ACSL6: variants seen among roughly 807,000 people sequenced by gnomAD.
ACSL6 encodes the protein long-chain-fatty-acid--CoA ligase 6.
In ACSL6, 47 loss-of-function variants were observed where a neutral mutation model predicts 98.2. That is an observed-to-expected ratio of 0.48 (90% CI 0.38 to 0.61). ACSL6 has a LOEUF of 0.61. ACSL6 is among the 20% of genes least tolerant of loss of function. The probability of loss-of-function intolerance (pLI) is 0.00; values close to 1 mark genes in which losing one functional copy is unlikely to be tolerated. For missense variants in ACSL6, 761 were observed against 913.4 expected, an observed-to-expected ratio of 0.83 and a Z score of 2.15; for synonymous variants, 362 against 336.9, an observed-to-expected ratio of 1.07 and a Z score of -0.82.
At chr5:131,963,900 A>C (rs1173774705) in intron 17 of ACSL6, among the ~76,000 whole-genome samples, 2 of 152,138 alleles carry the variant, frequency 1.3e-5, no homozygotes, top group Admixed American at 6.5e-5. Flanking sequence ...CCTCTGTTTC[A>C]CAGATGAGGA....
At chr5:131,967,180 T>TA (rs911375922) in intron 16 of ACSL6, among the ~76,000 whole-genome samples, 3 of 148,610 alleles carry the variant, frequency 2.0e-5, no homozygotes, top group Admixed American at 1.3e-4. Context: ...ACCCAATCTC[T>TA]AAAAAAAAAA....
At chr5:131,959,989 C>T (rs1349994544) in intron 19 of ACSL6, among the ~76,000 whole-genome samples, 3 of 152,176 alleles carry the variant, frequency 2.0e-5, no homozygotes, top group African/African-American at 7.2e-5. Context: ...CACTGAGTCA[C>T]AGCATGGCGA....
chr5:131,972,936 A>C, intron 12 of ACSL6, 78 bp from the exon 13 acceptor site: 1 of 1,596,244 alleles, frequency 6.3e-7, no homozygotes, highest in Non-Finnish European at 8.6e-7. Flanking sequence ...AATAAGGCCC[A>C]GACTGGCCAG....
intron 17 of ACSL6, among the ~76,000 whole-genome samples, chr5:131,964,316 A>G (rs1752894556): frequency 6.6e-6 from 1 of 152,274 alleles, no homozygotes; most frequent in Non-Finnish European, 1.5e-5. Context: ...AAGTTGAATT[A>G]TGTCAAGAAT....
intron 18 of ACSL6, 195 bp from the exon 19 acceptor site, chr5:131,960,816 A>T: frequency 2.1e-6 from 1 of 483,222 alleles, no homozygotes; most frequent in Non-Finnish European, 3.6e-6. Flanking sequence ...CCCTAGTTTT[A>T]TATGAAAAAA....
In ACSL6 at chr5:131,954,176, A is replaced by T; in HGVS notation, c.*58T>A. On this transcript the variant is annotated 3_prime_UTR_variant, in exon 21 of 21. Coordinates refer to ENST00000651883, the MANE Select transcript of ACSL6 (RefSeq NM_001009185.3). ...GTGTCATTTTGACTCATTACTTTCAAGAATAACTATAATATTGCTAGACAG... is the reference window on the plus strand; with the variant it reads ...GTGTCATTTTGACTCATTACTTTCATGAATAACTATAATATTGCTAGACAG... 1 of 1,478,454 alleles carries T rather than the reference A, an allele frequency of 6.8e-7. No individual in the cohort carries two copies. The highest frequency in any genetic ancestry group is 9.0e-7 in the Non-Finnish European group (1 of 1,116,060). The allele number at this position is 1,478,454 out of a possible 1,614,324, so 91.6% of individuals were successfully genotyped here.
At position 131,990,877 on chromosome 5, in the gene ACSL6, A is replaced by C; in HGVS notation, c.361T>G (p.Phe121Val). 1 of 1,613,748 alleles carries C rather than the reference A, an allele frequency of 6.2e-7. No homozygotes were observed. Among genetic ancestry groups the C allele is most frequent in the Non-Finnish European group, 8.5e-7 (1 of 1,179,938 alleles). ...CCTGAGATGCTAAGCCCACGGCGGA[A>C]CACCTGGTACATGGTCCGGGCATCA... ...YDDARTMYQV[F>V]RRGLSISGNG... The change falls in exon 3 of 21, where the codon TTC (phenylalanine) becomes GTC (valine). Residue 121 changes from phenylalanine to valine, a missense_variant. Phe to Val is a conservative substitution (Grantham distance 50). Transcript: ENST00000651883.
intron 15 of ACSL6, among the ~76,000 whole-genome samples, chr5:131,969,479 A>G (rs1429799015): frequency 2.6e-5 from 4 of 151,856 alleles, no homozygotes; most frequent in Non-Finnish European, 5.9e-5. Flanking sequence ...AGGTTTTAGT[A>G]TTTTCCTATT....
rs1380604139 is a variant in ACSL6, at chr5:131,973,601, C to A, written c.1069-201G>T. ...CTTCCAACCAAGTCCCACTCAGGCA[C>A]AGGGAGATGAAGCAGAAGATGGAGT... On this transcript the variant is annotated intron_variant, in intron 11 of 20. Coordinates refer to ENST00000651883, the MANE Select transcript of ACSL6 (RefSeq NM_001009185.3). 1.7e-5 allele frequency: 8 copies of A among 476,048 alleles called. No individual in the cohort carries two copies. In the East Asian group the frequency reaches 2.4e-4, roughly 14 times the overall value. The allele number at this position is 476,048 out of a possible 1,614,324, so 29.5% of individuals were successfully genotyped here. A position where few individuals can be genotyped will look rare whatever the true frequency, so the allele number is the denominator to read the frequency against.
intron 1 of ACSL6, among the ~76,000 whole-genome samples, chr5:131,997,401 C>T (rs1282262845): frequency 6.6e-6 from 1 of 152,176 alleles, no homozygotes; most frequent in South Asian, 2.1e-4. Context: ...GTATGGCCAC[C>T]CCAACCCCTG....
chr5:131,980,614 G>A (rs1171239159), intron 9 of ACSL6, among the ~76,000 whole-genome samples: 6 of 152,120 alleles, frequency 3.9e-5, no homozygotes, highest in Admixed American at 6.5e-5. Flanking sequence ...CAGAAGGGAC[G>A]CCCCAATTTG....
chr5:131,967,849 G>C (rs538328930), intron 16 of ACSL6, 91 bp downstream of exon 16: 1 of 1,200,136 alleles, frequency 8.3e-7, no homozygotes, highest in African/African-American at 1.5e-5. Flanking sequence ...TTATACACAA[G>C]GCAAAAGGAA....
At chr5:132,010,785 G>A (rs1755674198) in intron 1 of ACSL6, among the ~76,000 whole-genome samples, 1 of 152,218 alleles carries the variant, frequency 6.6e-6, no homozygotes, top group South Asian at 2.1e-4. Context: ...AGAACTGGCA[G>A]ATAAAAGGGC....
intron 1 of ACSL6, among the ~76,000 whole-genome samples, chr5:132,009,593 T>C (rs1230578928): frequency 6.6e-6 from 1 of 152,200 alleles, no homozygotes; most frequent in Non-Finnish European, 1.5e-5. Flanking sequence ...GCTTTTTGCA[T>C]TGGGAAGCTC....
At chr5:132,000,489 C>T (rs1472255203) in intron 1 of ACSL6, among the ~76,000 whole-genome samples, 1 of 151,704 alleles carries the variant, frequency 6.6e-6, no homozygotes, top group South Asian at 2.1e-4. Context: ...GGGGGTCTCA[C>T]TACTGCAAGA....
chr5:131,977,752 G>A (rs1753693067), intron 9 of ACSL6, among the ~76,000 whole-genome samples: 1 of 152,114 alleles, frequency 6.6e-6, no homozygotes, highest in Admixed American at 6.5e-5. Context: ...CCTGAATGAG[G>A]CAATAAAAGG....
rs372809248 is a variant in ACSL6, at chr5:131,966,880, T to C, written c.1597-348A>G. ...GCTGGCTGATTCTACCAGGGATGCTTCAGCCCCCTGCTCCATTAGCAGGCA... is the reference window on the plus strand; with the variant it reads ...GCTGGCTGATTCTACCAGGGATGCTCCAGCCCCCTGCTCCATTAGCAGGCA... On this transcript the variant is annotated intron_variant, in intron 16 of 20. Coordinates refer to ENST00000651883, the MANE Select transcript of ACSL6 (RefSeq NM_001009185.3). Among the ~76,000 whole-genome samples the C allele has an allele frequency of 5.2e-4, 79 of 152,290 alleles. No individual in the cohort carries two copies. In the Middle Eastern group the frequency reaches 0.01, roughly 20 times the overall value.
intron 10 of ACSL6, chr5:131,975,760 G>T: frequency 1.0e-6 from 1 of 985,472 alleles, no homozygotes; most frequent in South Asian, 4.7e-5. Flanking sequence ...TTGGGATCTG[G>T]GTGGGCTGTG....
At chr5:131,966,640 C>A (rs1753029802) in intron 16 of ACSL6, 108 bp from the exon 17 acceptor site, 2 of 933,946 alleles carry the variant, frequency 2.1e-6, no homozygotes, top group African/African-American at 3.2e-5. Flanking sequence ...TCAGGAAAGC[C>A]ACTGTGGATA....
Sources: allele counts gnomAD v4.1 joint callset (sites outside exome capture counted in the v4.1 genomes callset), GRCh38; gene constraint gnomAD v4.1.1; transcripts MANE v1.5; gene names NCBI Gene and HGNC (gene_info 2026-07-23, HGNC 2026-07-21).